EPB41L4A: variants seen among roughly 807,000 people sequenced by gnomAD.
EPB41L4A encodes the protein erythrocyte membrane protein band 4.1 like 4A, also known as band 4.1-like protein 4A.
Under a neutral mutation model 108.6 loss-of-function variants are expected in EPB41L4A, and 100 were observed. That is an observed-to-expected ratio of 0.92 (90% CI 0.78 to 1.09). The LOEUF (loss-of-function observed/expected upper bound fraction) is 1.09, where lower values mean the gene tolerates loss of function less well. EPB41L4A is among the 50% of genes least tolerant of loss of function. The probability of loss-of-function intolerance (pLI) is 0.00; values close to 1 mark genes in which losing one functional copy is unlikely to be tolerated. For synonymous variants in EPB41L4A, 319 were observed against 289.0 expected (o/e 1.10, Z -1.05); for missense variants, 1,030 against 842.7 (o/e 1.22, Z -2.75).
At chr5:112,327,932 T>C (rs544489841) in intron 1 of EPB41L4A, among the ~76,000 whole-genome samples, 75 of 152,302 alleles carry the variant, frequency 4.9e-4, no homozygotes, top group Non-Finnish European at 8.7e-4. Flanking sequence ...GCCTCCACTA[T>C]GAATTCATTT....
chr5:112,331,882 A>G (rs821734), intron 1 of EPB41L4A, among the ~76,000 whole-genome samples: 136,971 of 152,012 alleles, frequency 0.9, 61,772 homozygotes, highest in South Asian at 0.96. Flanking sequence ...TATTAGAACT[A>G]CCTGGGTTTT....
At chr5:112,166,994 G>T (rs1760282741) in intron 22 of EPB41L4A, among the ~76,000 whole-genome samples, 1 of 152,122 alleles carries the variant, frequency 6.6e-6, no homozygotes, top group African/African-American at 2.4e-5. Context: ...CTGATCAGAA[G>T]ATGCATGTGA....
At chr5:112,345,153 G>A (rs553375219) in intron 1 of EPB41L4A, among the ~76,000 whole-genome samples, 21 of 152,172 alleles carry the variant, frequency 1.4e-4, no homozygotes, top group Non-Finnish European at 2.6e-4. Context: ...GGGCATGGCT[G>A]AAATGGCCCA....
chr5:112,231,728 T>C (rs1031553430), intron 12 of EPB41L4A, among the ~76,000 whole-genome samples: 6 of 129,660 alleles, frequency 4.6e-5, no homozygotes, highest in African/African-American at 1.2e-4. Context: ...GAGCTTGCAG[T>C]GAGCCGAGAT....
At chr5:112,412,626 C>G (rs1762475643) in intron 1 of EPB41L4A, among the ~76,000 whole-genome samples, 1 of 152,168 alleles carries the variant, frequency 6.6e-6, no homozygotes, top group Non-Finnish European at 1.5e-5. Flanking sequence ...CCTGTTTAAT[C>G]TTAACATATG....
chr5:112,204,552 C>A, intron 14 of EPB41L4A, 64 bp from the exon 15 acceptor site: 1 of 1,039,866 alleles, frequency 9.6e-7, no homozygotes, highest in East Asian at 2.4e-5. Context: ...CACACCGCAG[C>A]CCAGACCTAT....
chr5:112,219,780 C>T lies in EPB41L4A; in HGVS notation c.1088-9798G>A, dbSNP rs543755263. The stretch of plus-strand genomic sequence containing the variant: ...GAGCAATCTTGGCTCACTGCAACTT[C>T]CATCTTCTGAGTTCAAGTGATTCTC... On this transcript the variant is annotated intron_variant, in intron 12 of 22. Coordinates refer to ENST00000261486, the MANE Select transcript of EPB41L4A (RefSeq NM_022140.5). Among the ~76,000 whole-genome samples, 149 of 152,294 alleles carry T rather than the reference C, an allele frequency of 9.8e-4. 1 individual carries two copies. Among genetic ancestry groups the T allele is most frequent in the Admixed American group, 3.4e-3 (52 of 15,306 alleles).
At chr5:112,370,900 C>T (rs1268133428) in intron 1 of EPB41L4A, among the ~76,000 whole-genome samples, 1 of 152,202 alleles carries the variant, frequency 6.6e-6, no homozygotes, top group Non-Finnish European at 1.5e-5. Context: ...GACTGCACCA[C>T]TGCACTCCAG....
chr5:112,170,976 G>C lies in EPB41L4A; in HGVS notation c.1639C>G (p.Gln547Glu), dbSNP rs1194438918. The C allele has an allele frequency of 6.2e-7, 1 of 1,613,592 alleles. No homozygotes were observed. The highest frequency in any genetic ancestry group is 2.2e-5 in the East Asian group (1 of 44,882). ...TGCTTCCATAACTCTTCTTTTGCTT[G>C]GATATCGGGGCTTCTCCTATAAATA... ...HRSRSRSPDI[Q>E]AKEELWKHIQ... The change falls in exon 19 of 23, where the codon CAA (glutamine) becomes GAA (glutamate). Residue 547 changes from glutamine to glutamate, a missense_variant. Gln to Glu is a conservative substitution (Grantham distance 29, BLOSUM62 2). Transcript: ENST00000261486.
At chr5:112,311,782 C>T (rs1755069828) in intron 1 of EPB41L4A, among the ~76,000 whole-genome samples, 1 of 152,186 alleles carries the variant, frequency 6.6e-6, no homozygotes, top group Non-Finnish European at 1.5e-5. Context: ...CACACCTTTC[C>T]TCTTACTTCA....
chr5:112,169,183 C>A, intron 20 of EPB41L4A, 78 bp from the exon 21 acceptor site: 1 of 992,856 alleles, frequency 1.0e-6, no homozygotes, highest in Non-Finnish European at 1.6e-6. Flanking sequence ...AATATTGAAA[C>A]CGCAAAAGAA....
At chr5:112,216,344 T>C (rs750621265) in intron 12 of EPB41L4A, among the ~76,000 whole-genome samples, 16 of 152,218 alleles carry the variant, frequency 1.1e-4, no homozygotes, top group Non-Finnish European at 2.1e-4. Context: ...TCAACATAAA[T>C]CAAATCTTTG....
intron 1 of EPB41L4A, among the ~76,000 whole-genome samples, chr5:112,394,644 T>C (rs575291598): frequency 1.3e-5 from 2 of 152,246 alleles, no homozygotes; most frequent in East Asian, 1.9e-4. Context: ...AGAATCAATA[T>C]TGTGAAAATG....
chr5:112,362,865 G>A (rs1758862711), intron 1 of EPB41L4A, among the ~76,000 whole-genome samples: 1 of 151,722 alleles, frequency 6.6e-6, no homozygotes, highest in South Asian at 2.1e-4. Context: ...GGCTTATGAT[G>A]TTTCCTAAAA....
At chr5:112,297,617 G>A (rs1270539083) in intron 2 of EPB41L4A, among the ~76,000 whole-genome samples, 1 of 152,054 alleles carries the variant, frequency 6.6e-6, no homozygotes, top group African/African-American at 2.4e-5. Flanking sequence ...CTTTTGCTAT[G>A]CAAAAGCTCT....
chr5:112,352,476 T>A (rs1321503190), intron 1 of EPB41L4A, among the ~76,000 whole-genome samples: 1 of 152,182 alleles, frequency 6.6e-6, no homozygotes. Context: ...AGATATATGA[T>A]ATAATTGCAT....
chr5:112,339,498 A>ATC (rs1561585211), intron 1 of EPB41L4A, among the ~76,000 whole-genome samples: 6 of 45,110 alleles, frequency 1.3e-4, no homozygotes, highest in African/African-American at 5.0e-4. Context: ...ATATATATCT[A>ATC]TATATATATA....
At chr5:112,206,309 AGAG>A (rs1762470013) in intron 13 of EPB41L4A, among the ~76,000 whole-genome samples, 1 of 151,974 alleles carries the variant, frequency 6.6e-6, no homozygotes, top group Non-Finnish European at 1.5e-5. Context: ...ATAGGGTCAT[AGAG>A]GAGTACTTTG....
At chr5:112,404,446 GT>G (rs1304935483) in intron 1 of EPB41L4A, among the ~76,000 whole-genome samples, 5 of 152,134 alleles carry the variant, frequency 3.3e-5, no homozygotes, top group African/African-American at 1.2e-4. Flanking sequence ...CATTTTGTAA[GT>G]TTTTTCAACC....
Sources: allele counts gnomAD v4.1 joint callset (sites outside exome capture counted in the v4.1 genomes callset), GRCh38; gene constraint gnomAD v4.1.1; transcripts MANE v1.5; gene names NCBI Gene and HGNC (gene_info 2026-07-23, HGNC 2026-07-21).